ALK: variants seen among roughly 807,000 people sequenced by gnomAD.
The protein encoded by ALK is ALK tyrosine kinase receptor.
In ALK, 74 loss-of-function variants were observed where a neutral mutation model predicts 163.1. The observed-to-expected ratio is 0.45, with a 90% confidence interval of 0.38 to 0.55. The LOEUF is 0.55. Among genes scored for constraint, ALK ranks in the 20% least tolerant of loss-of-function variants. The pLI is 0.00. For synonymous variants in ALK, 960 were observed against 843.2 expected (o/e 1.14, Z -2.40); for missense variants, 2,063 against 2,105.3 (o/e 0.98, Z 0.39).
intron 3 of ALK, among the ~76,000 whole-genome samples, chr2:29,648,990 T>A (rs1676962887): frequency 6.6e-6 from 1 of 152,310 alleles, no homozygotes; most frequent in East Asian, 1.9e-4. Context: ...ATCAACTGAC[T>A]TCTAGGTCCC....
At chr2:29,358,218 C>G (rs1389555199) in intron 5 of ALK, among the ~76,000 whole-genome samples, 8 of 152,164 alleles carry the variant, frequency 5.3e-5, no homozygotes, top group Non-Finnish European at 1.0e-4. Context: ...ATAACTGAAC[C>G]AAGACAGGCC....
intron 3 of ALK, among the ~76,000 whole-genome samples, chr2:29,643,973 C>T (rs977426886): frequency 2.6e-5 from 4 of 151,968 alleles, no homozygotes; most frequent in East Asian, 3.9e-4. Context: ...GCACTATTCA[C>T]AACAGCAAAG....
rs1318934355 is a variant in ALK at position 29,725,077 on chromosome 2, T to C, written c.668-7380A>G. Reference sequence around the variant, plus strand: ...TGTACCCCTTCCCAAGGCACAACAGTGAGGAATATTAATAAAGGAAATTGT... The same window carrying C: ...TGTACCCCTTCCCAAGGCACAACAGCGAGGAATATTAATAAAGGAAATTGT... On this transcript the variant is annotated intron_variant, in intron 1 of 28. Transcript: ENST00000389048. Among the ~76,000 whole-genome samples, 5 of 142,032 alleles carry C rather than the reference T, an allele frequency of 3.5e-5. No individual in the cohort carries two copies. In the South Asian group the frequency reaches 1.1e-3, roughly 31 times the overall value. The allele number at this position is 142,032 out of a possible 152,430, so 93.2% of individuals were successfully genotyped here.
At chr2:29,456,484 C>T (rs1670956133) in intron 4 of ALK, among the ~76,000 whole-genome samples, 1 of 151,940 alleles carries the variant, frequency 6.6e-6, no homozygotes, top group Non-Finnish European at 1.5e-5. Flanking sequence ...TTGTATGATA[C>T]CACTTACATG....
chr2:29,836,914 G>T (rs755487325), intron 1 of ALK, among the ~76,000 whole-genome samples: 1 of 152,070 alleles, frequency 6.6e-6, no homozygotes, highest in African/African-American at 2.4e-5. Flanking sequence ...TAAAATAACT[G>T]GTACAGAGCT....
chr2:29,234,601 C>T (rs575998799), intron 13 of ALK, among the ~76,000 whole-genome samples: 119 of 152,238 alleles, frequency 7.8e-4, no homozygotes, highest in Middle Eastern at 3.4e-3. Context: ...TCCACCCACC[C>T]TGGGAAACTG....
intron 3 of ALK, among the ~76,000 whole-genome samples, chr2:29,671,448 G>C (rs1677685806): frequency 6.6e-6 from 1 of 152,020 alleles, no homozygotes; most frequent in South Asian, 2.1e-4. Flanking sequence ...TCCTACCTTT[G>C]CCTATGCCCA....
chr2:29,483,915 T>C (rs987024445), intron 4 of ALK, among the ~76,000 whole-genome samples: 2 of 152,180 alleles, frequency 1.3e-5, no homozygotes, highest in Non-Finnish European at 2.9e-5. Flanking sequence ...CAGGTTTTAA[T>C]GGATTCACAG....
In ALK at chr2:29,364,003, A is replaced by T. The variant is rs907268558; in HGVS notation, c.1282+19729T>A. Among the ~76,000 whole-genome samples the T allele has an allele frequency of 3.3e-5, 5 of 152,306 alleles. No individual in the cohort carries two copies. In the East Asian group the frequency reaches 5.8e-4, roughly 18 times the overall value. Reference sequence around the variant, plus strand: ...TCAATGCTCTCACCAAACTAAATCTAAGTCCTTAAAGTGTCACCCAACCTC... The same window carrying T: ...TCAATGCTCTCACCAAACTAAATCTTAGTCCTTAAAGTGTCACCCAACCTC... On this transcript the variant is annotated intron_variant, in intron 5 of 28. Coordinates refer to ENST00000389048, the MANE Select transcript of ALK (RefSeq NM_004304.5).
chr2:29,383,899 A>T, intron 4 of ALK, 40 bp from the exon 5 acceptor site: 1 of 1,613,498 alleles, frequency 6.2e-7, no homozygotes, highest in Non-Finnish European at 8.5e-7. Context: ...GCATAGAGAA[A>T]CAGATATGAG....
chr2:29,472,362 T>C (rs568175822), intron 4 of ALK, among the ~76,000 whole-genome samples: 22 of 152,326 alleles, frequency 1.4e-4, no homozygotes, highest in Admixed American at 4.6e-4. Flanking sequence ...GTGTAGTAAA[T>C]GGTTGTTCTT....
chr2:29,227,613 TGAAG>T lies in ALK; in HGVS notation c.2871_2874del (p.Phe958SerfsTer12). 1 of 1,614,106 alleles carries T rather than the reference TGAAG, an allele frequency of 6.2e-7. No individual in the cohort carries two copies. The highest frequency in any genetic ancestry group is 8.5e-7 in the Non-Finnish European group (1 of 1,180,036). ...GTGTACAGGATGCCCAGTGGACTGA[TGAAG>T]GAAACCCCATCTTCCCCATCCATTT... is the stretch of plus-strand genomic sequence containing the variant. On this transcript the variant is annotated frameshift_variant, in exon 17 of 29. Transcript: ENST00000389048. LOFTEE classifies it high-confidence loss of function. The surrounding 1 kb of genome is among the most constrained non-coding windows in gnomAD (Gnocchi z 4.4).
intron 2 of ALK, among the ~76,000 whole-genome samples, chr2:29,705,016 G>A (rs534275477): frequency 9.2e-5 from 14 of 151,568 alleles, no homozygotes; most frequent in African/African-American, 2.9e-4. Flanking sequence ...TCAGGAGTTC[G>A]AGACCAGCCT....
chr2:29,398,598 T>C (rs1465353225), intron 4 of ALK, among the ~76,000 whole-genome samples: 2 of 152,152 alleles, frequency 1.3e-5, no homozygotes, highest in Non-Finnish European at 2.9e-5. Flanking sequence ...ACCCATGTCT[T>C]CACCCAGGCC....
At chr2:29,490,031 T>A (rs1174730296) in intron 4 of ALK, among the ~76,000 whole-genome samples, 1 of 152,226 alleles carries the variant, frequency 6.6e-6, no homozygotes, top group Non-Finnish European at 1.5e-5. Context: ...AACTAGGGCA[T>A]GGGCCAGGGA....
intron 3 of ALK, among the ~76,000 whole-genome samples, chr2:29,548,491 T>G (rs1002172811): frequency 8.6e-5 from 13 of 151,320 alleles, no homozygotes; most frequent in African/African-American, 3.2e-4. Flanking sequence ...AAAAAAGAGT[T>G]AAGTCACTAA....
At chr2:29,420,907 T>C (rs1243240361) in intron 4 of ALK, among the ~76,000 whole-genome samples, 2 of 151,552 alleles carry the variant, frequency 1.3e-5, no homozygotes, top group African/African-American at 4.9e-5. Context: ...TTGCTCGACA[T>C]AGCTTGCCCT....
chr2:29,728,899 G>A (rs1324792573), intron 1 of ALK, among the ~76,000 whole-genome samples: 1 of 152,156 alleles, frequency 6.6e-6, no homozygotes. Flanking sequence ...ACAGCAGAAG[G>A]AGTGACCAGT....
In ALK at chr2:29,221,002, T is replaced by C. The variant is rs1669787849; in HGVS notation, c.3516-167A>G. 3 of 930,050 alleles carry C rather than the reference T, an allele frequency of 3.2e-6. No homozygotes were observed. In the East Asian group the frequency reaches 8.2e-5, roughly 25 times the overall value. The allele number at this position is 930,050 out of a possible 1,614,324, so 57.6% of individuals were successfully genotyped here. On this transcript the variant is annotated intron_variant, in intron 22 of 28. Transcript: ENST00000389048. ...CCGGGCTGAGCCTAAACCCAGAATCTTGCTGGTGAGCAGGTGGGAAGAACC... is the reference window on the plus strand; with the variant it reads ...CCGGGCTGAGCCTAAACCCAGAATCCTGCTGGTGAGCAGGTGGGAAGAACC...
Sources: gnomAD v4.1 joint callset for allele counts (sites outside exome capture counted in the v4.1 genomes callset) on GRCh38, gnomAD v4.1.1 for gene constraint, Gnocchi (gnomAD v3.1) non-coding constraint, MANE v1.5 for transcripts, NCBI Gene and HGNC (gene_info 2026-07-23, HGNC 2026-07-21) for gene names.